The following MZT1 variants were observed in gnomAD, a reference collection of about 807,000 sequenced individuals.
MZT1 encodes mitotic spindle organizing protein 1, also known as mitotic-spindle organizing protein 1.
A neutral mutation model predicts 8.5 loss-of-function variants in MZT1; 8 were observed. That is an observed-to-expected ratio of 0.94 (90% CI 0.55 to 1.70). The LOEUF is 1.70. Ranked by LOEUF, MZT1 falls within the 40% of genes most tolerant of loss-of-function variation. The pLI is 0.00. For synonymous variants in MZT1, 38 were observed against 42.0 expected (o/e 0.90, Z 0.37); for missense variants, 93 against 108.6 (o/e 0.86, Z 0.64).
At chr13:72,720,187 C>T (rs558472844) in intron 1 of MZT1, among the ~76,000 whole-genome samples, 1 of 152,284 alleles carries the variant, frequency 6.6e-6, no homozygotes, top group East Asian at 1.9e-4. Flanking sequence ...ATTGAATGAC[C>T]TAAGTTTTCC....
chr13:72,716,586 G>A (rs1169710430), intron 2 of MZT1, among the ~76,000 whole-genome samples: 1 of 152,132 alleles, frequency 6.6e-6, no homozygotes, highest in Non-Finnish European at 1.5e-5. Flanking sequence ...GGTATCAGAA[G>A]GTTTTATTTG....
intron 2 of MZT1, among the ~76,000 whole-genome samples, chr13:72,715,949 C>T (rs1029620222): frequency 6.6e-6 from 1 of 152,032 alleles, no homozygotes; most frequent in African/African-American, 2.4e-5. Flanking sequence ...GGAAGTCTTC[C>T]TCTGTTGCCC....
At chr13:72,718,167 C>T (rs949301147) in intron 2 of MZT1, among the ~76,000 whole-genome samples, 1 of 152,182 alleles carries the variant, frequency 6.6e-6, no homozygotes, top group Non-Finnish European at 1.5e-5. Context: ...AGGGGAATAT[C>T]CTTCCTTGCC....
chr13:72,712,883 T>C (rs2032501619), intron 2 of MZT1, among the ~76,000 whole-genome samples: 1 of 152,228 alleles, frequency 6.6e-6, no homozygotes, highest in Non-Finnish European at 1.5e-5. Flanking sequence ...ACAAAAACTC[T>C]TGCAGTTGTG....
chr13:72,727,461 C>G lies in MZT1; in HGVS notation c.79+63G>C, dbSNP rs1457651012. 21 of 1,533,382 alleles carry G rather than the reference C, an allele frequency of 1.4e-5. No individual in the cohort carries two copies. The Middle Eastern group carries it at 5.0e-4, about 37-fold the overall frequency. 95.0% of individuals were successfully genotyped at this position (1,533,382 alleles called of 1,614,324 possible). ...ACCTGAAGTCCTCCCCAGGCTCATT[C>G]CCGCCTGGGGGCCTTGGCTCTGGGA... On this transcript the variant is annotated intron_variant, in intron 1 of 2. Coordinates refer to ENST00000377818, the MANE Select transcript of MZT1 (RefSeq NM_001071775.3).
chr13:72,715,079 C>A (rs1380439335), intron 2 of MZT1, among the ~76,000 whole-genome samples: 1 of 152,226 alleles, frequency 6.6e-6, no homozygotes, highest in Non-Finnish European at 1.5e-5. Flanking sequence ...CCCACGAAAG[C>A]AGCCATGGGG....
intron 1 of MZT1, among the ~76,000 whole-genome samples, chr13:72,723,966 CA>C (rs1432217420): frequency 6.7e-6 from 1 of 148,708 alleles, no homozygotes; most frequent in African/African-American, 2.6e-5. Flanking sequence ...ACTTAGACAT[CA>C]AAAGTGAGTA....
chr13:72,720,776 T>G (rs2138015520), intron 1 of MZT1, among the ~76,000 whole-genome samples: 1 of 152,284 alleles, frequency 6.6e-6, no homozygotes, highest in East Asian at 1.9e-4. Context: ...TAATCCCAGC[T>G]ACTTGGAAGA....
At position 72,719,003 on chromosome 13, in the gene MZT1, T is replaced by C. The variant is rs754845658; in HGVS notation, c.174A>G (p.Glu58=). Residue 58 remains glutamate, a synonymous_variant, in exon 2 of 3, where the codon GAA becomes GAG. Transcript: ENST00000377818. ...VRLCEQGINP[E]ALSSVIKELR... Reference sequence around the variant, plus strand: ...GCTCCTTAATAACCGATGATAAAGCTTCTGGGTTAATTCCTTGTTCACAAA... The same window carrying C: ...GCTCCTTAATAACCGATGATAAAGCCTCTGGGTTAATTCCTTGTTCACAAA... The C allele has an allele frequency of 6.3e-6, 10 of 1,596,106 alleles. No homozygotes were observed. In the South Asian group the frequency reaches 1.1e-4, roughly 18 times the overall value.
intron 2 of MZT1, among the ~76,000 whole-genome samples, chr13:72,716,604 GT>G (rs1185778883): frequency 6.6e-5 from 10 of 152,218 alleles, no homozygotes; most frequent in African/African-American, 2.4e-4. Flanking sequence ...TTGTTTGTTT[GT>G]TTTTCCCCCC....
At chr13:72,722,219 T>C (rs192706731) in intron 1 of MZT1, among the ~76,000 whole-genome samples, 3 of 152,332 alleles carry the variant, frequency 2.0e-5, no homozygotes, top group Admixed American at 2.0e-4. Flanking sequence ...CTAGCTGTAG[T>C]ATTTAGTAGG....
At chr13:72,713,466 C>A (rs2032506869) in intron 2 of MZT1, among the ~76,000 whole-genome samples, 1 of 152,160 alleles carries the variant, frequency 6.6e-6, no homozygotes. Context: ...TTGCATATAA[C>A]CTACATGTAT....
At chr13:72,713,451 A>T (rs535249907) in intron 2 of MZT1, among the ~76,000 whole-genome samples, 94 of 152,332 alleles carry the variant, frequency 6.2e-4, no homozygotes, top group African/African-American at 2.3e-3. Context: ...AAAAGGGTAT[A>T]GTATTTGCAT....
rs115738316 is a variant in MZT1 at position 72,717,160 on chromosome 13, A to T, written c.225+1792T>A. ...CTCAGATGCTAGTTCCTTTTCTCTT[A>T]GCAGGTCCTTACTCGATTGCTCATT... On this transcript the variant is annotated intron_variant, in intron 2 of 2. Coordinates refer to ENST00000377818, the MANE Select transcript of MZT1 (RefSeq NM_001071775.3). 5.7e-3 allele frequency among the ~76,000 whole-genome samples: 861 copies of T among 152,252 alleles called. 10 individuals carry two copies. Among genetic ancestry groups the T allele is most frequent in the African/African-American group, 0.019 (795 of 41,558 alleles).
chr13:72,712,092 A>G (rs1040748234), intron 2 of MZT1, among the ~76,000 whole-genome samples: 1 of 152,192 alleles, frequency 6.6e-6, no homozygotes, highest in African/African-American at 2.4e-5. Context: ...AGGATGCATT[A>G]CTTTCATAAA....
In MZT1 at chr13:72,710,126, T is replaced by C. The variant is rs527569190; in HGVS notation, c.*196A>G. The stretch of plus-strand genomic sequence containing the variant: ...GTTAAAAAAAGTGAATAAGATGTGA[T>C]GTAAACACATCTGATAGTTCTCTCT... On this transcript the variant is annotated 3_prime_UTR_variant, in exon 3 of 3. Transcript: ENST00000377818. 1.7e-6 allele frequency: 1 copy of C among 585,378 alleles called. No homozygotes were observed. Among genetic ancestry groups the C allele is most frequent in the Admixed American group, 3.3e-5 (1 of 30,644 alleles). The allele number at this position is 585,378 out of a possible 1,614,324, so 36.3% of individuals were successfully genotyped here.
intron 1 of MZT1, among the ~76,000 whole-genome samples, chr13:72,724,533 TA>T (rs1008227967): frequency 7.2e-6 from 1 of 139,452 alleles, no homozygotes; most frequent in African/African-American, 2.6e-5. Flanking sequence ...CCTTTCTCTA[TA>T]ACGTGTTTTT....
At chr13:72,725,036 A>C (rs537565569) in intron 1 of MZT1, among the ~76,000 whole-genome samples, 1 of 149,364 alleles carries the variant, frequency 6.7e-6, no homozygotes, top group South Asian at 2.1e-4. Context: ...ACTGCACTCC[A>C]GCCAGACTCG....
intron 2 of MZT1, among the ~76,000 whole-genome samples, chr13:72,716,574 C>T (rs1041715878): frequency 8.5e-5 from 13 of 152,162 alleles, no homozygotes; most frequent in Non-Finnish European, 1.6e-4. Flanking sequence ...CACTTTGTAT[C>T]AGGTATCAGA....
Sources: allele counts gnomAD v4.1 joint callset (sites outside exome capture counted in the v4.1 genomes callset), GRCh38; gene constraint gnomAD v4.1.1; transcripts MANE v1.5; gene names NCBI Gene and HGNC (gene_info 2026-07-23, HGNC 2026-07-21).